The following LIPA variants were observed in gnomAD, a reference collection of about 807,000 sequenced individuals.
LIPA encodes lysosomal acid lipase/cholesteryl ester hydrolase.
In LIPA, 26 loss-of-function variants were observed where a neutral mutation model predicts 40.6. The ratio of observed to expected loss-of-function variants is 0.64; its 90% CI spans 0.47 to 0.89. The LOEUF (loss-of-function observed/expected upper bound fraction) is 0.89. LIPA is among the 40% of genes least tolerant of loss of function. The probability of loss-of-function intolerance (pLI) is 0.00; values close to 1 mark genes in which losing one functional copy is unlikely to be tolerated. For synonymous variants in LIPA, 188 were observed against 168.4 expected, an observed-to-expected ratio of 1.12 and a Z score of -0.90; for missense variants, 455 against 479.6, an observed-to-expected ratio of 0.95 and a Z score of 0.48.
intron 1 of LIPA, chr10:89,306,269 T>C (rs1398936392): frequency 6.2e-7 from 1 of 1,614,148 alleles, no homozygotes; most frequent in East Asian, 2.2e-5. Flanking sequence ...CTGGGTCTAC[T>C]ATCACATGGG....
chr10:89,388,069 T>C (rs1844222207), intron 2 of LIPA, among the ~76,000 whole-genome samples: 1 of 152,162 alleles, frequency 6.6e-6, no homozygotes, highest in Non-Finnish European at 1.5e-5. Flanking sequence ...TCTACATTTT[T>C]AATAGGATAT....
intron 2 of LIPA, chr10:89,412,752 G>A: frequency 2.3e-6 from 1 of 438,388 alleles, no homozygotes; most frequent in South Asian, 1.6e-5. Context: ...GTGAAGGTCT[G>A]CAGCTGCACT....
At chr10:89,384,885 T>A in intron 2 of LIPA, 1 of 630,284 alleles carries the variant, frequency 1.6e-6, no homozygotes, top group Non-Finnish European at 2.7e-6. Context: ...TTATGTAGCA[T>A]GCAACTGCAA....
intron 4 of LIPA, 121 bp downstream of exon 4, chr10:89,228,079 C>T: frequency 2.4e-6 from 2 of 820,798 alleles, no homozygotes; most frequent in Non-Finnish European, 4.2e-6. Flanking sequence ...TCAAAAGACA[C>T]TAACTTCCCC....
At chr10:89,217,139 T>C (rs534707840) in intron 8 of LIPA, among the ~76,000 whole-genome samples, 62 of 152,346 alleles carry the variant, frequency 4.1e-4, no homozygotes, top group African/African-American at 1.5e-3. Context: ...CCAAATGAAT[T>C]TGAAATGGTA....
chr10:89,398,625 A>G (rs188965285), intron 2 of LIPA, among the ~76,000 whole-genome samples: 243 of 152,324 alleles, frequency 1.6e-3, no homozygotes, highest in Non-Finnish European at 6.6e-4. Flanking sequence ...ATTGAATCAT[A>G]CAATATTGTC....
intron 1 of LIPA, among the ~76,000 whole-genome samples, chr10:89,262,724 C>G (rs1277617395): frequency 6.6e-6 from 1 of 152,180 alleles, no homozygotes; most frequent in African/African-American, 2.4e-5. Flanking sequence ...CGCAGGGTGA[C>G]TCACATGAGG....
At chr10:89,234,704 A>G (rs1842883466) in intron 3 of LIPA, among the ~76,000 whole-genome samples, 1 of 152,242 alleles carries the variant, frequency 6.6e-6, no homozygotes, top group Non-Finnish European at 1.5e-5. Flanking sequence ...TTAAGGATTG[A>G]CTGGCAAAGG....
Position 89,388,376 on chromosome 10 carries a change from G to T in LIPA, c.61+24415C>A, listed in dbSNP as rs140376549. Among the ~76,000 whole-genome samples, 759 of 152,292 alleles carry T rather than the reference G, an allele frequency of 5.0e-3. 2 individuals carry two copies. Among genetic ancestry groups the T allele is most frequent in the African/African-American group, 0.017 (725 of 41,550 alleles). Reference sequence around the variant, plus strand: ...CCATCTTGGCCTCCCACAGTGCTGGGATTACAGGTGTGAATCACCGCGCCT... The same window carrying T: ...CCATCTTGGCCTCCCACAGTGCTGGTATTACAGGTGTGAATCACCGCGCCT... On this transcript the variant is annotated intron_variant, in intron 2 of 8. Coordinates refer to the LIPA transcript ENST00000371837.
chr10:89,373,975 G>A (rs1005078774), intron 2 of LIPA, among the ~76,000 whole-genome samples: 4 of 152,196 alleles, frequency 2.6e-5, no homozygotes, highest in Non-Finnish European at 5.9e-5. Context: ...AAAACTTACT[G>A]ATAATACTCA....
upstream of LIPA, among the ~76,000 whole-genome samples, chr10:89,252,821 A>C (rs1019279890): frequency 8.6e-5 from 13 of 152,046 alleles, no homozygotes; most frequent in African/African-American, 3.1e-4. Context: ...AAAAAAAAAA[A>C]ACAGGGATAA....
At chr10:89,373,771 C>T (rs1476839953) in intron 2 of LIPA, among the ~76,000 whole-genome samples, 2 of 152,118 alleles carry the variant, frequency 1.3e-5, no homozygotes, top group Non-Finnish European at 2.9e-5. Flanking sequence ...CTTTAATGTA[C>T]CAACAAATCA....
At chr10:89,410,207 T>C (rs531963112) in intron 2 of LIPA, among the ~76,000 whole-genome samples, 2 of 152,356 alleles carry the variant, frequency 1.3e-5, no homozygotes, top group East Asian at 3.9e-4. Flanking sequence ...AGGGTCTCAC[T>C]GTCTGGATAC....
chr10:89,296,740 ATG>A lies in LIPA; in HGVS notation c.-2+45869_-2+45870del, dbSNP rs539612732. On this transcript the variant is annotated intron_variant, in intron 1 of 5. Coordinates refer to the LIPA transcript ENST00000282673. Reference sequence around the variant, plus strand: ...TTAACAACCTCAGTTTTGCTGGAGAATGTGTTCTATCTGTGCTTTGTGTAATT... The same window carrying A: ...TTAACAACCTCAGTTTTGCTGGAGAATGTTCTATCTGTGCTTTGTGTAATT... Among the ~76,000 whole-genome samples the A allele has an allele frequency of 4.1e-3, 624 of 152,248 alleles. 7 individuals are homozygous for A. Among genetic ancestry groups the A allele is most frequent in the Non-Finnish European group, 5.4e-3 (365 of 67,996 alleles).
intron 4 of LIPA, 55 bp from the exon 5 acceptor site, chr10:89,227,059 C>A (rs768380059): frequency 8.4e-6 from 9 of 1,068,564 alleles, no homozygotes; most frequent in Middle Eastern, 2.0e-4. Flanking sequence ...ATAGAGCACA[C>A]ACATACTGAG....
chr10:89,324,029 A>G (rs1306315330), intron 1 of LIPA, among the ~76,000 whole-genome samples: 1 of 152,230 alleles, frequency 6.6e-6, no homozygotes, highest in African/African-American at 2.4e-5. Flanking sequence ...GAACTATACT[A>G]TAAGGCTACA....
chr10:89,227,234 G>T (rs1054718745), intron 4 of LIPA, among the ~76,000 whole-genome samples: 1 of 152,136 alleles, frequency 6.6e-6, no homozygotes, highest in Non-Finnish European at 1.5e-5. Context: ...AATTAGTTTC[G>T]CCTGTTTTTA....
chr10:89,253,497 G>A (rs757376154), upstream of LIPA, among the ~76,000 whole-genome samples: 1 of 152,162 alleles, frequency 6.6e-6, no homozygotes, highest in Non-Finnish European at 1.5e-5. Context: ...CTCCCACCGG[G>A]TCCCTCCCAC....
chr10:89,293,115 A>G (rs1843385695), intron 1 of LIPA, among the ~76,000 whole-genome samples: 1 of 152,122 alleles, frequency 6.6e-6, no homozygotes, highest in Non-Finnish European at 1.5e-5. Context: ...GGTTTCCCCC[A>G]TATTATTCTC....
Sources: allele counts gnomAD v4.1 joint callset (sites outside exome capture counted in the v4.1 genomes callset), GRCh38; gene constraint gnomAD v4.1.1; transcripts MANE v1.5; gene names NCBI Gene and HGNC (gene_info 2026-07-23, HGNC 2026-07-21).